The following ARHGAP26 variants were observed in gnomAD, a reference collection of about 807,000 sequenced individuals.
ARHGAP26 encodes rho GTPase-activating protein 26.
In ARHGAP26, 38 loss-of-function variants were observed where a neutral mutation model predicts 104.8. The ratio of observed to expected loss-of-function variants is 0.36; its 90% CI spans 0.28 to 0.48. ARHGAP26 has a LOEUF of 0.48. Ranked by LOEUF, ARHGAP26 falls within the 20% of genes least tolerant of loss-of-function variation. The pLI, the probability that ARHGAP26 is intolerant of heterozygous loss-of-function variation, is 0.99. For synonymous variants in ARHGAP26, 341 were observed against 340.0 expected (o/e 1.00, Z -0.03); for missense variants, 704 against 947.9 (o/e 0.74, Z 3.38).
chr5:142,932,543 C>T (rs1323566292), intron 11 of ARHGAP26, among the ~76,000 whole-genome samples: 1 of 152,194 alleles, frequency 6.6e-6, no homozygotes, highest in Non-Finnish European at 1.5e-5. Context: ...AGTTGTTCTG[C>T]ATCTTGTGAC....
chr5:142,934,912 A>G (rs1453065944), intron 11 of ARHGAP26, among the ~76,000 whole-genome samples: 1 of 152,170 alleles, frequency 6.6e-6, no homozygotes, highest in Admixed American at 6.5e-5. Flanking sequence ...TTCATTTTTA[A>G]ATGTTAAATT....
chr5:143,026,260 A>G (rs1454495380), intron 12 of ARHGAP26, among the ~76,000 whole-genome samples: 1 of 152,238 alleles, frequency 6.6e-6, no homozygotes, highest in Non-Finnish European at 1.5e-5. Flanking sequence ...TTAGTCATGA[A>G]CAGGGCAGAT....
chr5:143,210,588 AC>A lies in ARHGAP26; in HGVS notation c.2099+3284del, dbSNP rs1465694844. On this transcript the variant is annotated intron_variant, in intron 21 of 22. Transcript: ENST00000645722. ...TATTTCCCTTTTCTTTCACTTGCTC[AC>A]CCCTCCCCCAAAAAAGCCGATAGCC... is the stretch of plus-strand genomic sequence containing the variant. Among the ~76,000 whole-genome samples the A allele has an allele frequency of 4.6e-5, 7 of 151,738 alleles. No individual in the cohort carries two copies. In the East Asian group the frequency reaches 1.4e-3, roughly 29 times the overall value.
chr5:143,121,563 G>A (rs1796136244), intron 18 of ARHGAP26, among the ~76,000 whole-genome samples: 1 of 152,062 alleles, frequency 6.6e-6, no homozygotes, highest in Non-Finnish European at 1.5e-5. Flanking sequence ...TTAAATTTTA[G>A]GGATATTAAA....
At chr5:142,900,902 A>G (rs1457197054) in intron 6 of ARHGAP26, among the ~76,000 whole-genome samples, 1 of 152,130 alleles carries the variant, frequency 6.6e-6, no homozygotes, top group Non-Finnish European at 1.5e-5. Context: ...TCAGAAGCCG[A>G]AGTTAATGGG....
intron 11 of ARHGAP26, among the ~76,000 whole-genome samples, chr5:142,981,726 C>T (rs998548215): frequency 5.9e-5 from 9 of 152,290 alleles, no homozygotes; most frequent in Admixed American, 4.6e-4. Context: ...CTTCCTGTCT[C>T]CCTCTTCACT....
intron 1 of ARHGAP26, among the ~76,000 whole-genome samples, chr5:142,804,718 C>G (rs989491172): frequency 2.6e-5 from 4 of 152,168 alleles, no homozygotes; most frequent in African/African-American, 9.7e-5. Flanking sequence ...TCTCAAACTC[C>G]TGACCTCAGG....
chr5:142,903,767 T>A, intron 8 of ARHGAP26, 98 bp downstream of exon 8: 1 of 1,261,178 alleles, frequency 7.9e-7, no homozygotes, highest in Non-Finnish European at 1.1e-6. Flanking sequence ...TGTAGATACA[T>A]GCTTGGATAA....
chr5:142,771,433 T>G (rs1597544023), intron 1 of ARHGAP26: 1 of 1,230,890 alleles, frequency 8.1e-7, no homozygotes, highest in Non-Finnish European at 1.0e-6. Context: ...GGCCGCCGGG[T>G]TCCCTGGGTG....
chr5:143,050,362 A>G (rs1598803320), intron 14 of ARHGAP26, among the ~76,000 whole-genome samples: 1 of 147,000 alleles, frequency 6.8e-6, no homozygotes, highest in Admixed American at 6.7e-5. Context: ...TTTTTTTTTT[A>G]AACCACATTT....
At chr5:143,211,833 G>GC (rs1432953682) in intron 21 of ARHGAP26, among the ~76,000 whole-genome samples, 3 of 152,120 alleles carry the variant, frequency 2.0e-5, no homozygotes, top group African/African-American at 7.2e-5. Context: ...AGGATTACAG[G>GC]CATGTGCCAC....
chr5:142,792,235 T>A (rs1760005395), intron 1 of ARHGAP26, among the ~76,000 whole-genome samples: 2 of 152,302 alleles, frequency 1.3e-5, no homozygotes, highest in South Asian at 4.1e-4. Flanking sequence ...TTTTGCAGGA[T>A]TTAATATCAG....
chr5:142,919,768 A>C (rs1301895772), intron 10 of ARHGAP26, among the ~76,000 whole-genome samples: 1 of 152,176 alleles, frequency 6.6e-6, no homozygotes, highest in Admixed American at 6.5e-5. Flanking sequence ...AGGCCGAGGC[A>C]AGTGGATCAT....
chr5:142,885,266 CT>C, intron 4 of ARHGAP26, 31 bp from the exon 5 acceptor site: 1 of 1,587,398 alleles, frequency 6.3e-7, no homozygotes, highest in Non-Finnish European at 8.6e-7. Context: ...ACGTGTTACT[CT>C]TTTTCTTTTT....
intron 1 of ARHGAP26, among the ~76,000 whole-genome samples, chr5:142,833,459 C>T (rs1021954281): frequency 2.0e-5 from 3 of 151,950 alleles, no homozygotes; most frequent in Non-Finnish European, 2.9e-5. Context: ...AATTTTCTTA[C>T]CTCTTAACTT....
chr5:142,977,535 G>GT (rs889046353), intron 11 of ARHGAP26, among the ~76,000 whole-genome samples: 2 of 152,130 alleles, frequency 1.3e-5, no homozygotes, highest in African/African-American at 4.8e-5. Context: ...TCAGCCAGGT[G>GT]TTTTTTTCCC....
chr5:142,811,230 A>G (rs1033233774), intron 1 of ARHGAP26, among the ~76,000 whole-genome samples: 1 of 152,016 alleles, frequency 6.6e-6, no homozygotes, highest in Non-Finnish European at 1.5e-5. Context: ...ACTTTTCCTG[A>G]TCATCTATAG....
rs183322961 is a variant in ARHGAP26, at chr5:143,045,909, G to A, written c.1285+4019G>A. ...AGCACTTTGGGAGGTCAAGGTGAGCGATCACCTGAAGTCAGGAGTTCGAGA... is the reference window on the plus strand; with the variant it reads ...AGCACTTTGGGAGGTCAAGGTGAGCAATCACCTGAAGTCAGGAGTTCGAGA... On this transcript the variant is annotated intron_variant, in intron 14 of 22. Transcript: ENST00000645722. 3.9e-5 allele frequency among the ~76,000 whole-genome samples: 6 copies of A among 152,304 alleles called. No homozygotes were observed. The East Asian group carries it at 7.7e-4, about 20-fold the overall frequency.
At chr5:143,217,824 A>G (rs1810570075) in intron 22 of ARHGAP26, among the ~76,000 whole-genome samples, 1 of 152,206 alleles carries the variant, frequency 6.6e-6, no homozygotes, top group Non-Finnish European at 1.5e-5. Context: ...TTGCTCCCAG[A>G]ACCCCTTCTT....
Sources: gnomAD v4.1 joint callset for allele counts (sites outside exome capture counted in the v4.1 genomes callset) on GRCh38, gnomAD v4.1.1 for gene constraint, MANE v1.5 for transcripts, NCBI Gene and HGNC (gene_info 2026-07-23, HGNC 2026-07-21) for gene names.